The following LUZP2 variants were observed in gnomAD, a reference collection of about 807,000 sequenced individuals.
LUZP2 encodes leucine zipper protein 2.
A neutral mutation model predicts 51.6 loss-of-function variants in LUZP2; 52 were observed. The observed-to-expected ratio is 1.01, with a 90% CI of 0.81 to 1.27. The LOEUF is 1.27. Ranked by LOEUF, LUZP2 falls within the 50% of genes most tolerant of loss-of-function variation. LUZP2 has a pLI of 0.00. For synonymous variants in LUZP2, 154 were observed against 137.3 expected, an observed-to-expected ratio of 1.12 and a Z score of -0.85; for missense variants, 436 against 395.4, an observed-to-expected ratio of 1.10 and a Z score of -0.87.
intron 1 of LUZP2, among the ~76,000 whole-genome samples, chr11:24,583,332 T>C (rs1852942060): frequency 1.3e-5 from 2 of 152,152 alleles, no homozygotes; most frequent in African/African-American, 2.4e-5. Flanking sequence ...TCTGTCCCTT[T>C]ATTCTCTGCT....
chr11:25,024,174 A>G (rs1297791489), intron 9 of LUZP2, among the ~76,000 whole-genome samples: 2 of 152,040 alleles, frequency 1.3e-5, no homozygotes, highest in African/African-American at 4.8e-5. Context: ...GCTGAGTTCA[A>G]TTCCTGGATA....
chr11:24,958,531 T>G lies in LUZP2; in HGVS notation c.523-18060T>G, dbSNP rs1237501140. 1.5e-4 allele frequency among the ~76,000 whole-genome samples: 23 copies of G among 152,232 alleles called. No homozygotes were observed. The East Asian group carries it at 3.9e-3, about 26-fold the overall frequency. On this transcript the variant is annotated intron_variant, in intron 7 of 11. Coordinates refer to ENST00000336930, the MANE Select transcript of LUZP2 (RefSeq NM_001009909.4). Reference sequence around the variant, plus strand: ...ATGATGAGCATTTTTTCATGTGTTTTTTGGCTGCATAAATGTCTTCTTTTG... The same window carrying G: ...ATGATGAGCATTTTTTCATGTGTTTGTTGGCTGCATAAATGTCTTCTTTTG...
At chr11:24,820,011 T>C (rs1014448778) in intron 5 of LUZP2, among the ~76,000 whole-genome samples, 2 of 152,030 alleles carry the variant, frequency 1.3e-5, no homozygotes, top group Non-Finnish European at 2.9e-5. Flanking sequence ...CAGTTGAGAG[T>C]GACAGTGAAT....
intron 9 of LUZP2, among the ~76,000 whole-genome samples, chr11:24,996,798 G>A (rs557512700): frequency 1.3e-5 from 2 of 151,910 alleles, no homozygotes; most frequent in Admixed American, 1.3e-4. Flanking sequence ...TCTCCAGAGT[G>A]TGATGTTCCC....
chr11:24,856,209 T>G (rs10767253), intron 5 of LUZP2, among the ~76,000 whole-genome samples: 23,008 of 152,000 alleles, frequency 0.15, 1,893 homozygotes, highest in African/African-American at 0.2. Flanking sequence ...CATCTAACAA[T>G]GACTAATGTC....
intron 9 of LUZP2, among the ~76,000 whole-genome samples, chr11:25,044,108 A>ACTCTATATATCAGATATATAGTGT (rs760362350): frequency 1.8e-5 from 2 of 109,376 alleles, no homozygotes; most frequent in East Asian, 6.0e-4. Context: ...ATATATATAG[A>ACTCTATATATCAGATATATAGTGT]CTATATATAT....
rs1856248470 is a variant in LUZP2, at chr11:24,667,297, C to A, written c.63-61872C>A. Among the ~76,000 whole-genome samples, 3 of 150,758 alleles carry A rather than the reference C, an allele frequency of 2.0e-5. No homozygotes were observed. In the South Asian group the frequency reaches 6.3e-4, roughly 32 times the overall value. On this transcript the variant is annotated intron_variant, in intron 1 of 11. Coordinates refer to ENST00000336930, the MANE Select transcript of LUZP2 (RefSeq NM_001009909.4). Reference sequence around the variant, plus strand: ...CTCCCGGATTGAAGCGATTCTCCTGCCTCAGTTTCTTGAGTAGCTGGGACT... The same window carrying A: ...CTCCCGGATTGAAGCGATTCTCCTGACTCAGTTTCTTGAGTAGCTGGGACT...
Position 24,950,928 on chromosome 11 carries a change from T to G in LUZP2, c.523-25663T>G, listed in dbSNP as rs184067548. 1.8e-3 allele frequency among the ~76,000 whole-genome samples: 274 copies of G among 150,476 alleles called. 2 individuals carry two copies. Among genetic ancestry groups the G allele is most frequent in the African/African-American group, 6.3e-3 (261 of 41,138 alleles). On this transcript the variant is annotated intron_variant, in intron 7 of 11. Transcript: ENST00000336930. ...AGACATTGATAAGAAAGTTTTTTAG[T>G]TTTTTTTTGTGTTATAGTGATAGCT...
At position 24,976,655 on chromosome 11, in the gene LUZP2, C is replaced by A; in HGVS notation, c.587C>A (p.Ala196Asp). ...GCCAAAAATGAACTGGAGAAAGCAG[C>A]TCTTGACAGGGTAAGTCTACATTCA... The part of the protein sequence containing the change: ...AVAKNELEKA[A>D]LDRESQMKAM... Residue 196 changes from alanine (A) to aspartate (D), a missense_variant, in exon 8 of 12, where the codon GCT becomes GAT. Transcript: ENST00000336930. The A allele has an allele frequency of 6.3e-7, 1 of 1,576,914 alleles. No individual in the cohort carries two copies. The highest frequency in any genetic ancestry group is 8.6e-7 in the Non-Finnish European group (1 of 1,165,910).
At chr11:24,839,799 T>A (rs1219663901) in intron 5 of LUZP2, among the ~76,000 whole-genome samples, 1 of 151,640 alleles carries the variant, frequency 6.6e-6, no homozygotes, top group East Asian at 1.9e-4. Flanking sequence ...TCTTTCATAA[T>A]CCAGAAGAAA....
At chr11:24,665,165 C>A (rs1856171621) in intron 1 of LUZP2, among the ~76,000 whole-genome samples, 4 of 152,162 alleles carry the variant, frequency 2.6e-5, no homozygotes, top group African/African-American at 9.6e-5. Flanking sequence ...AACATGGAGT[C>A]AAAGGAGATC....
At chr11:24,778,624 C>A (rs543703716) in intron 5 of LUZP2, among the ~76,000 whole-genome samples, 11 of 151,572 alleles carry the variant, frequency 7.3e-5, no homozygotes, top group African/African-American at 2.7e-4. Flanking sequence ...ATGTAAGAAA[C>A]AAACAATCAA....
chr11:24,998,177 G>A (rs1186691872), intron 9 of LUZP2, among the ~76,000 whole-genome samples: 3 of 152,106 alleles, frequency 2.0e-5, no homozygotes, highest in Non-Finnish European at 4.4e-5. Flanking sequence ...GTAACTTGAT[G>A]GGGATGGCAT....
In LUZP2 at chr11:24,817,492, T is replaced by A. The variant is rs866104601; in HGVS notation, c.396+54184T>A. Among the ~76,000 whole-genome samples the A allele has an allele frequency of 3.3e-5, 5 of 152,138 alleles. No individual in the cohort carries two copies. The South Asian group carries it at 1.0e-3, about 32-fold the overall frequency. ...AAGAGCCCAATGAAAATTATACAACTGATGAATGAGAGAGTTGGAATCTGA... is the reference window on the plus strand; with the variant it reads ...AAGAGCCCAATGAAAATTATACAACAGATGAATGAGAGAGTTGGAATCTGA... On this transcript the variant is annotated intron_variant, in intron 5 of 11. Coordinates refer to ENST00000336930, the MANE Select transcript of LUZP2 (RefSeq NM_001009909.4).
intron 1 of LUZP2, among the ~76,000 whole-genome samples, chr11:24,703,665 A>G (rs1485197657): frequency 7.0e-6 from 1 of 142,176 alleles, no homozygotes; most frequent in African/African-American, 2.5e-5. Context: ...TTTACTAAAA[A>G]TACAAAAAAA....
intron 5 of LUZP2, among the ~76,000 whole-genome samples, chr11:24,873,643 GC>G (rs1852154558): frequency 6.6e-6 from 1 of 151,834 alleles, no homozygotes; most frequent in African/African-American, 2.4e-5. Flanking sequence ...AGGTGGCCAA[GC>G]TTAAACTGAA....
chr11:25,058,028 T>C (rs1393975992), intron 10 of LUZP2, among the ~76,000 whole-genome samples: 1 of 151,576 alleles, frequency 6.6e-6, no homozygotes, highest in African/African-American at 2.4e-5. Flanking sequence ...GTTAACATAA[T>C]TTTCTAGGCA....
intron 1 of LUZP2, among the ~76,000 whole-genome samples, chr11:24,629,857 T>A (rs1565040359): frequency 6.6e-6 from 1 of 151,952 alleles, no homozygotes; most frequent in Non-Finnish European, 1.5e-5. Flanking sequence ...CTAACGTCTG[T>A]TATCTTTTGT....
intron 7 of LUZP2, among the ~76,000 whole-genome samples, chr11:24,954,018 T>G (rs1855150329): frequency 6.6e-6 from 1 of 152,046 alleles, no homozygotes; most frequent in African/African-American, 2.4e-5. Flanking sequence ...TCATCTTTTT[T>G]TTTTTCTTCC....
Sources: allele counts gnomAD v4.1 joint callset (sites outside exome capture counted in the v4.1 genomes callset), GRCh38; gene constraint gnomAD v4.1.1; transcripts MANE v1.5; gene names NCBI Gene and HGNC (gene_info 2026-07-23, HGNC 2026-07-21).